ANO2: variants seen among roughly 807,000 people sequenced by gnomAD.
The protein encoded by ANO2 is anoctamin 2, also known as anoctamin-2.
In ANO2, 101 loss-of-function variants were observed where a neutral mutation model predicts 124.2. The ratio of observed to expected loss-of-function variants is 0.81; its 90% CI spans 0.69 to 0.96. The LOEUF is 0.96. Among genes scored for constraint, ANO2 ranks in the 40% least tolerant of loss-of-function variants. The pLI is 0.00. For missense variants in ANO2, 1,293 were observed against 1,274.5 expected (o/e 1.01, Z -0.22); for synonymous variants, 486 against 482.5 (o/e 1.01, Z -0.09).
rs1420444642 is a variant in ANO2 at position 5,862,394 on chromosome 12, T to C, written c.535-8253A>G. On this transcript the variant is annotated intron_variant, in intron 3 of 24. Transcript: ENST00000682330. The surrounding 1 kb of genome is among the most constrained non-coding windows in gnomAD (Gnocchi z 4.0). The stretch of plus-strand genomic sequence containing the variant: ...GGGACAACCCAGGGTCCTATGGACA[T>C]GAAAACTCAGCCACTTTTGTCGTAT... 6.6e-6 allele frequency among the ~76,000 whole-genome samples: 1 copy of C among 152,198 alleles called. No homozygotes were observed. The highest frequency in any genetic ancestry group is 1.5e-5 in the Non-Finnish European group (1 of 68,036).
chr12:5,736,254 T>C lies in ANO2; in HGVS notation c.1434+3063A>G, dbSNP rs75606313. On this transcript the variant is annotated intron_variant, in intron 13 of 24. Coordinates refer to ENST00000682330, the MANE Select transcript of ANO2 (RefSeq NM_001364791.2). Reference sequence around the variant, plus strand: ...CAGTCTCCAGTCTTCTTCTGGCTTGTCTCTGGTTTCCAAGCCGGACTTAAG... The same window carrying C: ...CAGTCTCCAGTCTTCTTCTGGCTTGCCTCTGGTTTCCAAGCCGGACTTAAG... 4.7e-4 allele frequency among the ~76,000 whole-genome samples: 71 copies of C among 152,228 alleles called. 1 individual carries two copies. The East Asian group carries it at 0.013, about 27-fold the overall frequency.
intron 12 of ANO2, among the ~76,000 whole-genome samples, chr12:5,742,240 C>T (rs1251860224): frequency 3.3e-5 from 5 of 152,144 alleles, no homozygotes; most frequent in African/African-American, 7.2e-5. Context: ...CAGCACAGCA[C>T]CACTAATCAT....
intron 10 of ANO2, among the ~76,000 whole-genome samples, chr12:5,785,870 C>A (rs149692700): frequency 6.6e-6 from 1 of 152,200 alleles, no homozygotes; most frequent in Non-Finnish European, 1.5e-5. Flanking sequence ...TGAGATGCCA[C>A]GCAGACTTTT....
intron 23 of ANO2, among the ~76,000 whole-genome samples, chr12:5,570,540 G>C (rs538738231): frequency 1.3e-5 from 2 of 152,186 alleles, no homozygotes; most frequent in African/African-American, 4.8e-5. Context: ...GAGGTACAGA[G>C]AGGAGAGAGA....
intron 7 of ANO2, among the ~76,000 whole-genome samples, chr12:5,826,213 G>A (rs1035256178): frequency 1.6e-4 from 24 of 152,096 alleles, no homozygotes; most frequent in Non-Finnish European, 1.6e-4. Flanking sequence ...GTTGTATTAC[G>A]TTAGGTGTAA....
intron 10 of ANO2, among the ~76,000 whole-genome samples, chr12:5,757,903 T>C (rs1246549975): frequency 6.6e-6 from 1 of 152,028 alleles, no homozygotes; most frequent in Non-Finnish European, 1.5e-5. Flanking sequence ...CATGACAGAG[T>C]GTAATAACTG....
At chr12:5,652,513 C>T (rs1591822783) in intron 14 of ANO2, among the ~76,000 whole-genome samples, 1 of 151,920 alleles carries the variant, frequency 6.6e-6, no homozygotes, top group Middle Eastern at 3.4e-3. Context: ...ATTTCCTGTT[C>T]CAAGGTCCCC....
At chr12:5,899,209 T>C (rs1324170661) in intron 3 of ANO2, among the ~76,000 whole-genome samples, 1 of 152,198 alleles carries the variant, frequency 6.6e-6, no homozygotes, top group Non-Finnish European at 1.5e-5. Context: ...AACATCTCTT[T>C]CATTGTCATT....
At chr12:5,935,259 G>C (rs1470124337) in intron 1 of ANO2, among the ~76,000 whole-genome samples, 3 of 152,010 alleles carry the variant, frequency 2.0e-5, no homozygotes, top group Non-Finnish European at 4.4e-5. Flanking sequence ...ATATGACCTG[G>C]TACATAATAA....
chr12:5,814,564 C>T (rs544047131), intron 7 of ANO2, among the ~76,000 whole-genome samples: 62 of 152,370 alleles, frequency 4.1e-4, no homozygotes, highest in South Asian at 2.3e-3. Context: ...CTTATCCCTA[C>T]ACGACATCCT....
chr12:5,680,424 G>T (rs537289318), intron 14 of ANO2, among the ~76,000 whole-genome samples: 1 of 152,306 alleles, frequency 6.6e-6, no homozygotes, highest in South Asian at 2.1e-4. Flanking sequence ...TGGAAACATT[G>T]TTAAGTAAGG....
rs945324902 is a variant in ANO2 at position 5,639,972 on chromosome 12, C to T, written c.1621-4625G>A. On this transcript the variant is annotated intron_variant, in intron 15 of 24. Transcript: ENST00000682330. ...CTGGGGCACAGGAGGAAAGCTCAGG[C>T]ACCTAGCTCTAGAGGAGGGACATCG... Among the ~76,000 whole-genome samples, 8 of 152,102 alleles carry T rather than the reference C, an allele frequency of 5.3e-5. 1 individual carries two copies. The highest frequency in any genetic ancestry group is 1.9e-4 in the African/African-American group (8 of 41,406).
chr12:5,874,052 T>G (rs1308282316), intron 3 of ANO2, among the ~76,000 whole-genome samples: 1 of 152,202 alleles, frequency 6.6e-6, no homozygotes, highest in Non-Finnish European at 1.5e-5. Flanking sequence ...GTCCTCAGTA[T>G]GAACAAGGAG....
intron 10 of ANO2, among the ~76,000 whole-genome samples, chr12:5,796,803 G>A (rs780613955): frequency 6.6e-6 from 1 of 152,192 alleles, no homozygotes; most frequent in Non-Finnish European, 1.5e-5. Context: ...TCAAAATGAG[G>A]CCTGAAGGCC....
At chr12:5,766,819 T>G (rs1187319964) in intron 10 of ANO2, among the ~76,000 whole-genome samples, 2 of 152,186 alleles carry the variant, frequency 1.3e-5, no homozygotes, top group Non-Finnish European at 2.9e-5. Context: ...TGTAACACTC[T>G]GGCTCAGTCG....
chr12:5,720,565 T>C (rs972391105), intron 14 of ANO2, among the ~76,000 whole-genome samples: 2 of 152,218 alleles, frequency 1.3e-5, no homozygotes, highest in Non-Finnish European at 2.9e-5. Flanking sequence ...ACATCTCACA[T>C]CCCAATGGTA....
At chr12:5,577,148 A>T (rs1171350465) in intron 22 of ANO2, among the ~76,000 whole-genome samples, 1 of 152,352 alleles carries the variant, frequency 6.6e-6, no homozygotes, top group East Asian at 1.9e-4. Context: ...AAGCCTCGAG[A>T]TGTGCACTTC....
chr12:5,716,737 C>G (rs147352323), intron 14 of ANO2, among the ~76,000 whole-genome samples: 14 of 152,264 alleles, frequency 9.2e-5, no homozygotes, highest in African/African-American at 3.4e-4. Flanking sequence ...ACTACCATGT[C>G]TAGCCTTCCT....
At chr12:5,734,646 T>TC (rs931168657) in intron 13 of ANO2, among the ~76,000 whole-genome samples, 6 of 151,718 alleles carry the variant, frequency 4.0e-5, no homozygotes, top group African/African-American at 9.7e-5. Flanking sequence ...ATCTTTTTTT[T>TC]CTTTCTTTTT....
Sources: gnomAD v4.1 joint callset for allele counts (sites outside exome capture counted in the v4.1 genomes callset) on GRCh38, gnomAD v4.1.1 for gene constraint, Gnocchi (gnomAD v3.1) non-coding constraint, MANE v1.5 for transcripts, NCBI Gene and HGNC (gene_info 2026-07-23, HGNC 2026-07-21) for gene names.